CCBE1: variants seen among roughly 807,000 people sequenced by gnomAD.
CCBE1 encodes the protein collagen and calcium binding EGF domains 1, also known as collagen and calcium-binding EGF domain-containing protein 1.
CCBE1 carries 37 observed loss-of-function variants against 50.0 expected under a neutral mutation model. The ratio of observed to expected loss-of-function variants is 0.74; its 90% confidence interval spans 0.57 to 0.97. The LOEUF (loss-of-function observed/expected upper bound fraction) is 0.97. Among genes scored for constraint, CCBE1 ranks in the 50% least tolerant of loss-of-function variants. CCBE1 has a pLI of 0.00. For synonymous variants in CCBE1, 234 were observed against 203.7 expected, an observed-to-expected ratio of 1.15 and a Z score of -1.27; for missense variants, 538 against 523.8, an observed-to-expected ratio of 1.03 and a Z score of -0.26.
chr18:59,648,332 A>G (rs964958366), intron 2 of CCBE1, among the ~76,000 whole-genome samples: 5 of 152,160 alleles, frequency 3.3e-5, no homozygotes, highest in African/African-American at 1.2e-4. Flanking sequence ...TGCTTGGAGA[A>G]CCGGGTGGCT....
chr18:59,692,803 G>A (rs2054749853), intron 2 of CCBE1, among the ~76,000 whole-genome samples: 1 of 152,110 alleles, frequency 6.6e-6, no homozygotes, highest in Admixed American at 6.5e-5. Flanking sequence ...AGCACGGGCT[G>A]GACAGATGAA....
In CCBE1 at chr18:59,657,339, A is replaced by G. The variant is rs183637589; in HGVS notation, c.212+39290T>C. Reference sequence around the variant, plus strand: ...GCCAGGGAATGCCAAGGCTGTGACTATAGACTGAAAAATTACACACTTAAA... The same window carrying G: ...GCCAGGGAATGCCAAGGCTGTGACTGTAGACTGAAAAATTACACACTTAAA... On this transcript the variant is annotated intron_variant, in intron 2 of 10. Transcript: ENST00000439986. Among the ~76,000 whole-genome samples, 26 of 152,298 alleles carry G rather than the reference A, an allele frequency of 1.7e-4. No homozygotes were observed. The East Asian group carries it at 3.9e-3, about 23-fold the overall frequency.
At chr18:59,669,139 A>G (rs186996004) in intron 2 of CCBE1, among the ~76,000 whole-genome samples, 82 of 152,180 alleles carry the variant, frequency 5.4e-4, no homozygotes, top group Non-Finnish European at 1.1e-3. Context: ...CCCGGCCAAC[A>G]TAAGTCACTT....
intron 2 of CCBE1, among the ~76,000 whole-genome samples, chr18:59,603,338 C>A (rs1013466440): frequency 6.6e-6 from 1 of 152,168 alleles, no homozygotes; most frequent in Non-Finnish European, 1.5e-5. Context: ...CTAGACCACT[C>A]GGGTCCTTGG....
intron 2 of CCBE1, among the ~76,000 whole-genome samples, chr18:59,506,960 C>T (rs1420090909): frequency 1.3e-5 from 2 of 152,154 alleles, no homozygotes; most frequent in Non-Finnish European, 2.9e-5. Context: ...AATCTTAAGC[C>T]TCTCTTTCAG....
At chr18:59,536,090 T>C (rs2144366460) in intron 2 of CCBE1, among the ~76,000 whole-genome samples, 1 of 152,390 alleles carries the variant, frequency 6.6e-6, no homozygotes, top group African/African-American at 2.4e-5. Flanking sequence ...TATGATATTC[T>C]TTAACATTTG....
intron 2 of CCBE1, among the ~76,000 whole-genome samples, chr18:59,490,197 C>T (rs903213018): frequency 1.7e-4 from 26 of 151,972 alleles, no homozygotes; most frequent in Non-Finnish European, 7.4e-5. Context: ...GTTGGGCAGG[C>T]TCGTCTCGAA....
chr18:59,609,092 C>T (rs982901705), intron 2 of CCBE1, among the ~76,000 whole-genome samples: 6 of 152,194 alleles, frequency 3.9e-5, no homozygotes, highest in African/African-American at 7.2e-5. Context: ...CCTCTATCTT[C>T]GAGACAGCAC....
intron 2 of CCBE1, among the ~76,000 whole-genome samples, chr18:59,650,031 C>A (rs2054106794): frequency 6.6e-6 from 1 of 152,060 alleles, no homozygotes; most frequent in South Asian, 2.1e-4. Context: ...TGAGCCATCT[C>A]CACCCAGCTG....
intron 2 of CCBE1, among the ~76,000 whole-genome samples, chr18:59,490,311 TA>T (rs1913036459): frequency 6.6e-6 from 1 of 151,686 alleles, no homozygotes; most frequent in Non-Finnish European, 1.5e-5. Flanking sequence ...CGTAACAAAA[TA>T]AAGGTTAGTT....
At chr18:59,490,329 T>G (rs777929566) in intron 2 of CCBE1, among the ~76,000 whole-genome samples, 4 of 151,452 alleles carry the variant, frequency 2.6e-5, no homozygotes, top group Non-Finnish European at 5.9e-5. Flanking sequence ...AGTTTGGAGA[T>G]TCACCAAGGT....
At chr18:59,641,499 C>T (rs550972411) in intron 2 of CCBE1, among the ~76,000 whole-genome samples, 2 of 152,166 alleles carry the variant, frequency 1.3e-5, no homozygotes, top group South Asian at 4.2e-4. Context: ...ATTGGGTACA[C>T]TATCCTTATT....
chr18:59,544,494 T>C (rs905725268), intron 2 of CCBE1, among the ~76,000 whole-genome samples: 2 of 152,246 alleles, frequency 1.3e-5, no homozygotes, highest in African/African-American at 4.8e-5. Flanking sequence ...AGATGTACTT[T>C]TGCAGCTCAC....
chr18:59,594,702 G>A (rs1034694491), intron 2 of CCBE1, among the ~76,000 whole-genome samples: 5 of 152,134 alleles, frequency 3.3e-5, no homozygotes, highest in South Asian at 2.1e-4. Context: ...TCATTTCCTC[G>A]GTGCTACTCA....
At chr18:59,696,842 CA>C in intron 1 of CCBE1, 133 bp from the exon 2 acceptor site, 1 of 993,326 alleles carries the variant, frequency 1.0e-6, no homozygotes, top group Admixed American at 1.9e-5. Flanking sequence ...GGCTGGTCCC[CA>C]AACGCGTACG....
intron 3 of CCBE1, among the ~76,000 whole-genome samples, chr18:59,476,229 C>T (rs1912299972): frequency 6.6e-6 from 1 of 152,122 alleles, no homozygotes; most frequent in Non-Finnish European, 1.5e-5. Context: ...TTGGATGATG[C>T]CATTAAGCAC....
chr18:59,520,258 T>G (rs1214653807), intron 2 of CCBE1, among the ~76,000 whole-genome samples: 1 of 152,222 alleles, frequency 6.6e-6, no homozygotes, highest in Non-Finnish European at 1.5e-5. Flanking sequence ...TATAAATTAC[T>G]TTGGGCAATA....
At chr18:59,660,483 A>G (rs1205559235) in intron 2 of CCBE1, among the ~76,000 whole-genome samples, 1 of 152,178 alleles carries the variant, frequency 6.6e-6, no homozygotes, top group Non-Finnish European at 1.5e-5. Flanking sequence ...TTTTCAGAAT[A>G]TTCCCCCTTG....
chr18:59,466,945 A>C (rs906057857), intron 4 of CCBE1, 54 bp from the exon 5 acceptor site: 2 of 1,463,764 alleles, frequency 1.4e-6, no homozygotes, highest in African/African-American at 2.8e-5. Flanking sequence ...CACTTCTAAT[A>C]CAACAGATGA....
Sources: allele counts gnomAD v4.1 joint callset (sites outside exome capture counted in the v4.1 genomes callset), GRCh38; gene constraint gnomAD v4.1.1; transcripts MANE v1.5; gene names NCBI Gene and HGNC (gene_info 2026-07-23, HGNC 2026-07-21).